GLYATL2: variants seen among roughly 807,000 people sequenced by gnomAD.
GLYATL2 encodes the protein glycine N-acyltransferase-like protein 2.
In GLYATL2, 25 loss-of-function variants were observed where a neutral mutation model predicts 21.4. The ratio of observed to expected loss-of-function variants is 1.17; its 90% CI spans 0.85 to 1.63. The LOEUF (loss-of-function observed/expected upper bound fraction) is 1.63, where lower values mean the gene tolerates loss of function less well. GLYATL2 is among the 40% of genes most tolerant of loss of function. GLYATL2 has a pLI of 0.00. For synonymous variants in GLYATL2, 114 were observed against 118.2 expected (o/e 0.96, Z 0.23); for missense variants, 361 against 343.3 (o/e 1.05, Z -0.41).
intron 1 of GLYATL2, among the ~76,000 whole-genome samples, chr11:58,870,263 A>G (rs1410060475): frequency 6.6e-6 from 1 of 152,198 alleles, no homozygotes; most frequent in African/African-American, 2.4e-5. Flanking sequence ...AGTTTTCTAT[A>G]GGTCTAATGA....
At chr11:58,886,800 G>A (rs773571898) in intron 1 of GLYATL2, among the ~76,000 whole-genome samples, 3 of 152,124 alleles carry the variant, frequency 2.0e-5, no homozygotes, top group Non-Finnish European at 4.4e-5. Flanking sequence ...TGTGGGTATA[G>A]ACACTGAGCC....
At chr11:58,854,280 C>A (rs630652) in intron 1 of GLYATL2, among the ~76,000 whole-genome samples, 135,028 of 152,190 alleles carry the variant, frequency 0.89, 61,060 homozygotes, top group Non-Finnish European at 0.98. Flanking sequence ...GTGCAGATAT[C>A]TGTTTAACAT....
chr11:58,893,196 G>C, intron 1 of GLYATL2: 1 of 335,836 alleles, frequency 3.0e-6, no homozygotes, highest in Non-Finnish European at 5.8e-6. Flanking sequence ...GTCCACAGGG[G>C]GCCCTGGTCT....
At chr11:58,871,765 G>A (rs1446329892) in intron 1 of GLYATL2, among the ~76,000 whole-genome samples, 3 of 152,106 alleles carry the variant, frequency 2.0e-5, no homozygotes, top group Non-Finnish European at 4.4e-5. Context: ...TGTCTTTATA[G>A]CAGCATGATT....
At chr11:58,871,407 T>C (rs960816713) in intron 1 of GLYATL2, among the ~76,000 whole-genome samples, 7 of 151,822 alleles carry the variant, frequency 4.6e-5, no homozygotes, top group African/African-American at 1.2e-4. Flanking sequence ...TAGCATTAGG[T>C]ATATCACCTA....
chr11:58,883,655 C>A (rs1025992323), intron 1 of GLYATL2, among the ~76,000 whole-genome samples: 1 of 152,128 alleles, frequency 6.6e-6, no homozygotes, highest in Admixed American at 6.5e-5. Flanking sequence ...GGAGCTGGTA[C>A]CATTCCTTCT....
chr11:58,907,406 A>G (rs141564121), upstream of GLYATL2: 603 of 456,184 alleles, frequency 1.3e-3, 7 homozygotes, highest in African/African-American at 8.4e-3. Context: ...GACGCATCTC[A>G]GTTGTCACCA....
At chr11:58,854,439 A>G (rs1389611662) in intron 1 of GLYATL2, among the ~76,000 whole-genome samples, 1 of 152,252 alleles carries the variant, frequency 6.6e-6, no homozygotes, top group Non-Finnish European at 1.5e-5. Flanking sequence ...TAGGTGTCCA[A>G]TTGCATTATG....
chr11:58,858,576 C>A (rs1056684578), intron 1 of GLYATL2, among the ~76,000 whole-genome samples: 1 of 152,088 alleles, frequency 6.6e-6, no homozygotes, highest in Non-Finnish European at 1.5e-5. Flanking sequence ...ATCCACTACT[C>A]TTTAGCCAAG....
At chr11:58,840,133 G>T (rs1261910622) in intron 1 of GLYATL2, among the ~76,000 whole-genome samples, 2 of 151,832 alleles carry the variant, frequency 1.3e-5, no homozygotes, top group Non-Finnish European at 2.9e-5. Flanking sequence ...AGACTATATT[G>T]TGTGTAGTCC....
chr11:58,873,336 G>A (rs1164148271), intron 1 of GLYATL2, among the ~76,000 whole-genome samples: 2 of 151,942 alleles, frequency 1.3e-5, no homozygotes, highest in Non-Finnish European at 2.9e-5. Context: ...AATAGGAGTG[G>A]TGAAAGAGGG....
chr11:58,906,134 G>A (rs1854876798), upstream of GLYATL2, among the ~76,000 whole-genome samples: 1 of 152,170 alleles, frequency 6.6e-6, no homozygotes, highest in South Asian at 2.1e-4. Flanking sequence ...CTGGTTCTGG[G>A]TCGGACCCGG....
intron 1 of GLYATL2, among the ~76,000 whole-genome samples, chr11:58,862,363 G>T (rs1186061026): frequency 1.3e-5 from 2 of 152,120 alleles, no homozygotes; most frequent in Non-Finnish European, 2.9e-5. Context: ...GACTTGGAAA[G>T]TATTCTGCTA....
intron 1 of GLYATL2, among the ~76,000 whole-genome samples, chr11:58,894,873 G>A (rs1854608303): frequency 6.6e-6 from 1 of 152,206 alleles, no homozygotes. Context: ...ATTTCAAAGG[G>A]TGGAAAATTC....
chr11:58,844,357 TA>T (rs1205589529), intron 1 of GLYATL2, 76 bp downstream of exon 1: 1 of 152,128 alleles, frequency 6.6e-6, no homozygotes, highest in African/African-American at 2.4e-5. Flanking sequence ...AATTAACAAA[TA>T]CAAATGATTT....
At chr11:58,847,489 G>T (rs1853663882), upstream of GLYATL2, among the ~76,000 whole-genome samples, 1 of 152,140 alleles carries the variant, frequency 6.6e-6, no homozygotes, top group Admixed American at 6.5e-5. Context: ...TGAGTCCCAG[G>T]CCAGGTAGAC....
chr11:58,889,116 C>G (rs944042538), intron 1 of GLYATL2, among the ~76,000 whole-genome samples: 2 of 151,110 alleles, frequency 1.3e-5, no homozygotes. Flanking sequence ...TTAAGTTTAC[C>G]CTTAAGTATT....
intron 1 of GLYATL2, among the ~76,000 whole-genome samples, chr11:58,888,508 C>A (rs1006531706): frequency 1.3e-5 from 2 of 151,864 alleles, no homozygotes; most frequent in Non-Finnish European, 2.9e-5. Flanking sequence ...AATTAACATT[C>A]TTTTATACTT....
chr11:58,880,553 G>T (rs879820053), intron 1 of GLYATL2, among the ~76,000 whole-genome samples: 1 of 152,138 alleles, frequency 6.6e-6, no homozygotes, highest in African/African-American at 2.4e-5. Context: ...AACTTTAAAG[G>T]AGAAGACAAT....
Sources: gnomAD v4.1 joint callset for allele counts (sites outside exome capture counted in the v4.1 genomes callset) on GRCh38, gnomAD v4.1.1 for gene constraint, MANE v1.5 for transcripts, NCBI Gene and HGNC (gene_info 2026-07-23, HGNC 2026-07-21) for gene names.